The following ZCCHC7 variants were observed in gnomAD, a reference collection of about 807,000 sequenced individuals.
The protein encoded by ZCCHC7 is zinc finger CCHC domain-containing protein 7.
ZCCHC7 carries 35 observed loss-of-function variants against 52.0 expected under a neutral mutation model. The ratio of observed to expected loss-of-function variants is 0.67; its 90% CI spans 0.51 to 0.89. ZCCHC7 has a LOEUF of 0.89. Ranked by LOEUF, ZCCHC7 falls within the 40% of genes least tolerant of loss-of-function variation. The pLI, the probability that ZCCHC7 is intolerant of heterozygous loss-of-function variation, is 0.00. For missense variants in ZCCHC7, 574 were observed against 649.1 expected (o/e 0.88, Z 1.26); for synonymous variants, 217 against 221.5 (o/e 0.98, Z 0.18).
intron 6 of ZCCHC7, among the ~76,000 whole-genome samples, chr9:37,345,759 A>G (rs963051717): frequency 2.6e-5 from 4 of 151,678 alleles, no homozygotes; most frequent in African/African-American, 9.7e-5. Context: ...ACTTTTAGCT[A>G]GTCTTAATTT....
rs948889099 is a variant in ZCCHC7, at chr9:37,234,820, C to G, written c.611-67368C>G. Reference sequence around the variant, plus strand: ...TTGTCCTTTCAGCTTTTCATTATAACTTTATGAAAATATTTTAGCCACTCT... The same window carrying G: ...TTGTCCTTTCAGCTTTTCATTATAAGTTTATGAAAATATTTTAGCCACTCT... On this transcript the variant is annotated intron_variant, in intron 2 of 8. Coordinates refer to ENST00000336755, the MANE Select transcript of ZCCHC7 (RefSeq NM_032226.3). Among the ~76,000 whole-genome samples, 4 of 152,230 alleles carry G rather than the reference C, an allele frequency of 2.6e-5. No individual in the cohort carries two copies. The East Asian group carries it at 5.8e-4, about 22-fold the overall frequency.
intron 2 of ZCCHC7, among the ~76,000 whole-genome samples, chr9:37,154,789 C>T (rs1275898669): frequency 2.0e-5 from 3 of 151,930 alleles, no homozygotes; most frequent in Admixed American, 1.3e-4. Context: ...CCACTGCACC[C>T]GGTCGTTAAT....
At chr9:37,160,297 C>G (rs547902904) in intron 2 of ZCCHC7, 35 of 152,180 alleles carry the variant, frequency 2.3e-4, no homozygotes, top group African/African-American at 8.4e-4. Context: ...ATCATTTGAG[C>G]CCAGGAGTTT....
At chr9:37,336,974 A>C (rs564825180) in intron 6 of ZCCHC7, among the ~76,000 whole-genome samples, 1 of 152,230 alleles carries the variant, frequency 6.6e-6, no homozygotes, top group African/African-American at 2.4e-5. Context: ...CCCGCATGCT[A>C]TGAATGGCAG....
intron 2 of ZCCHC7, among the ~76,000 whole-genome samples, chr9:37,212,478 G>T (rs1824295548): frequency 6.6e-6 from 1 of 152,064 alleles, no homozygotes; most frequent in Admixed American, 6.6e-5. Context: ...TTTTCTTAAG[G>T]GTGTAATTGT....
chr9:37,135,602 C>T (rs952487885), intron 2 of ZCCHC7, among the ~76,000 whole-genome samples: 11 of 152,116 alleles, frequency 7.2e-5, no homozygotes, highest in African/African-American at 2.4e-4. Context: ...TTTGGCACAT[C>T]GGGGATACCT....
At chr9:37,336,126 T>C (rs539299251) in intron 6 of ZCCHC7, among the ~76,000 whole-genome samples, 1 of 152,216 alleles carries the variant, frequency 6.6e-6, no homozygotes, top group East Asian at 1.9e-4. Flanking sequence ...TTTTTGCACT[T>C]TAGGTAAAAC....
rs1205935946 is a variant in ZCCHC7 at position 37,333,580 on chromosome 9, A to G, written c.987+5746A>G. On this transcript the variant is annotated intron_variant, in intron 6 of 8. Transcript: ENST00000336755. ...CATCTGTTTTCTTATCTGTTAACAA[A>G]TGTTTATCCTGAGGATGACAAATGG... Among the ~76,000 whole-genome samples, 3 of 151,812 alleles carry G rather than the reference A, an allele frequency of 2.0e-5. No homozygotes were observed. The East Asian group carries it at 5.8e-4, about 29-fold the overall frequency.
intron 2 of ZCCHC7, among the ~76,000 whole-genome samples, chr9:37,129,103 T>A (rs1031737245): frequency 6.6e-5 from 10 of 152,178 alleles, no homozygotes; most frequent in Non-Finnish European, 2.9e-5. Context: ...GAAAGCTTGA[T>A]AACTTGAAAA....
chr9:37,134,343 TCTA>T (rs1842914820), intron 2 of ZCCHC7, among the ~76,000 whole-genome samples: 1 of 152,228 alleles, frequency 6.6e-6, no homozygotes, highest in Admixed American at 6.5e-5. Flanking sequence ...CTTAACATGT[TCTA>T]CTGTCCTCTG....
intron 3 of ZCCHC7, among the ~76,000 whole-genome samples, chr9:37,303,462 G>C (rs546060834): frequency 6.6e-6 from 1 of 151,266 alleles, no homozygotes; most frequent in East Asian, 1.9e-4. Flanking sequence ...GAAGTCAGCA[G>C]TGGCTTTGAC....
chr9:37,156,222 T>G (rs1820805354), intron 2 of ZCCHC7, among the ~76,000 whole-genome samples: 1 of 152,244 alleles, frequency 6.6e-6, no homozygotes, highest in Non-Finnish European at 1.5e-5. Context: ...TTGTGAACAT[T>G]TATTTGAATT....
intron 2 of ZCCHC7, among the ~76,000 whole-genome samples, chr9:37,192,868 C>A (rs1564170084): frequency 6.6e-6 from 1 of 152,018 alleles, no homozygotes; most frequent in African/African-American, 2.4e-5. Context: ...TGGGATTATT[C>A]TTTAGTCTGG....
intron 6 of ZCCHC7, among the ~76,000 whole-genome samples, chr9:37,330,118 T>C (rs1830397898): frequency 1.3e-5 from 2 of 151,894 alleles, no homozygotes; most frequent in East Asian, 1.9e-4. Flanking sequence ...AGTCGTTTTC[T>C]TTAAAAACCA....
At chr9:37,328,842 G>T (rs1031746606) in intron 6 of ZCCHC7, among the ~76,000 whole-genome samples, 1 of 152,010 alleles carries the variant, frequency 6.6e-6, no homozygotes, top group African/African-American at 2.4e-5. Context: ...TTCACATTTT[G>T]TGATTACCAT....
At chr9:37,338,708 C>G (rs904361932) in intron 6 of ZCCHC7, among the ~76,000 whole-genome samples, 1 of 152,074 alleles carries the variant, frequency 6.6e-6, no homozygotes, top group African/African-American at 2.4e-5. Context: ...TTTATTTTCA[C>G]TATTTTTACC....
chr9:37,221,941 A>T (rs979927547), intron 2 of ZCCHC7, among the ~76,000 whole-genome samples: 1 of 152,298 alleles, frequency 6.6e-6, no homozygotes, highest in South Asian at 2.1e-4. Flanking sequence ...AAAGATTCAT[A>T]AAGATTCATT....
chr9:37,185,224 G>A (rs1822586755), intron 2 of ZCCHC7, among the ~76,000 whole-genome samples: 1 of 152,102 alleles, frequency 6.6e-6, no homozygotes, highest in African/African-American at 2.4e-5. Context: ...AAGATCTCTT[G>A]CTATGTTAGG....
chr9:37,345,581 G>C (rs755224586), intron 6 of ZCCHC7, among the ~76,000 whole-genome samples: 1 of 152,042 alleles, frequency 6.6e-6, no homozygotes, highest in Non-Finnish European at 1.5e-5. Context: ...TTAGCCAGGC[G>C]TGCTGGCATG....
Sources: gnomAD v4.1 joint callset for allele counts (sites outside exome capture counted in the v4.1 genomes callset) on GRCh38, gnomAD v4.1.1 for gene constraint, MANE v1.5 for transcripts, NCBI Gene and HGNC (gene_info 2026-07-23, HGNC 2026-07-21) for gene names.